CD38: variants seen among roughly 807,000 people sequenced by gnomAD.
The protein encoded by CD38 is CD38 molecule, also known as ADP-ribosyl cyclase/cyclic ADP-ribose hydrolase 1.
Under a neutral mutation model 36.3 loss-of-function variants are expected in CD38, and 31 were observed. That is an observed-to-expected ratio of 0.85 (90% confidence interval 0.64 to 1.15). The LOEUF is 1.15. CD38 is among the 50% of genes most tolerant of loss of function. The probability of loss-of-function intolerance (pLI) is 0.00; values close to 1 mark genes in which losing one functional copy is unlikely to be tolerated. For missense variants in CD38, 380 were observed against 371.9 expected, an observed-to-expected ratio of 1.02 and a Z score of -0.18; for synonymous variants, 131 against 135.2, an observed-to-expected ratio of 0.97 and a Z score of 0.22.
Position 15,778,667 on chromosome 4 carries a change from G to A in CD38, c.233+20G>A, listed in dbSNP as rs372561676. The A allele has an allele frequency of 6.6e-7, 1 of 1,516,242 alleles. No individual in the cohort carries two copies. 93.9% of individuals were successfully genotyped at this position (1,516,242 alleles called of 1,614,324 possible). A position where few individuals can be genotyped will look rare whatever the true frequency, so the allele number is the denominator to read the frequency against. ...GATGAGGTGGGTTGGCGACTAAGGCGCACCGGTGGGCACTGCGGGGACAGC... is the reference window on the plus strand; with the variant it reads ...GATGAGGTGGGTTGGCGACTAAGGCACACCGGTGGGCACTGCGGGGACAGC... On this transcript the variant is annotated intron_variant, in intron 1 of 7. Coordinates refer to ENST00000226279, the MANE Select transcript of CD38 (RefSeq NM_001775.4). The surrounding 1 kb of genome is among the most constrained non-coding windows in gnomAD (Gnocchi z 4.9).
At chr4:15,826,459 G>GCATGCA (rs1553874529) in intron 3 of CD38, among the ~76,000 whole-genome samples, 10 of 146,348 alleles carry the variant, frequency 6.8e-5, no homozygotes, top group African/African-American at 2.5e-4. Flanking sequence ...ACTTTTGTGC[G>GCATGCA]CACACACACA....
intron 1 of CD38, among the ~76,000 whole-genome samples, chr4:15,804,947 A>G (rs1723310072): frequency 6.6e-6 from 1 of 152,190 alleles, no homozygotes; most frequent in Admixed American, 6.5e-5. Flanking sequence ...AGAAATGATA[A>G]ACCTTTGAGA....
intron 4 of CD38, among the ~76,000 whole-genome samples, chr4:15,837,229 G>A (rs940013071): frequency 3.9e-5 from 6 of 152,322 alleles, no homozygotes; most frequent in East Asian, 1.9e-4. Flanking sequence ...GATTGAAGGC[G>A]TCCTGCCCTT....
At chr4:15,822,929 C>G (rs953832461) in intron 2 of CD38, among the ~76,000 whole-genome samples, 3 of 152,166 alleles carry the variant, frequency 2.0e-5, no homozygotes, top group Non-Finnish European at 4.4e-5. Flanking sequence ...CAACTCCAAA[C>G]TGCACTACAA....
intron 3 of CD38, among the ~76,000 whole-genome samples, chr4:15,828,303 A>G (rs1405625060): frequency 6.6e-6 from 1 of 152,232 alleles, no homozygotes; most frequent in Non-Finnish European, 1.5e-5. Flanking sequence ...GGTGTGAGCC[A>G]CCAGGCCCGA....
intron 2 of CD38, among the ~76,000 whole-genome samples, chr4:15,823,931 A>G (rs993825733): frequency 6.6e-6 from 1 of 152,234 alleles, no homozygotes; most frequent in African/African-American, 2.4e-5. Flanking sequence ...GGCTGGATAA[A>G]GAAAATGTGG....
chr4:15,791,912 G>C (rs1723007063), intron 1 of CD38, among the ~76,000 whole-genome samples: 2 of 89,304 alleles, frequency 2.2e-5, no homozygotes, highest in Admixed American at 8.7e-5. Context: ...CCAGGACCCC[G>C]TCTGGGAGGT....
intron 2 of CD38, among the ~76,000 whole-genome samples, chr4:15,820,359 T>C (rs1229013993): frequency 6.6e-6 from 1 of 152,110 alleles, no homozygotes; most frequent in African/African-American, 2.4e-5. Flanking sequence ...ACCTTAAGTG[T>C]AAATGGGCTA....
intron 1 of CD38, among the ~76,000 whole-genome samples, chr4:15,803,294 A>G: frequency 6.6e-6 from 1 of 152,246 alleles, no homozygotes; most frequent in Non-Finnish European, 1.5e-5. Context: ...ATTACATCAA[A>G]CTAAACATTT....
intron 2 of CD38, among the ~76,000 whole-genome samples, chr4:15,821,405 GT>G (rs1057359433): frequency 1.3e-5 from 2 of 151,784 alleles, no homozygotes; most frequent in Non-Finnish European, 2.9e-5. Flanking sequence ...GCAGGAGGTG[GT>G]TTTTTGAAAA....
rs753510292 is a variant in CD38 at position 15,851,985 on chromosome 4, A to G, written c.*3383A>G. 3.3e-5 allele frequency: 5 copies of G among 152,244 alleles called. No individual in the cohort carries two copies. Among genetic ancestry groups the G allele is most frequent in the Non-Finnish European group, 7.3e-5 (5 of 68,046 alleles). The allele number at this position is 152,244 out of a possible 1,614,324, so 9.4% of individuals were successfully genotyped here. On this transcript the variant is annotated 3_prime_UTR_variant, in exon 8 of 8. Coordinates refer to ENST00000226279, the MANE Select transcript of CD38 (RefSeq NM_001775.4). ...ATCTAAACATAGAAAAGGTACAGTA[A>G]ACATGCAGTATTATAATCTTATGAG...
At chr4:15,794,710 A>G (rs6449190) in intron 1 of CD38, among the ~76,000 whole-genome samples, 110,840 of 152,070 alleles carry the variant, frequency 0.73, 41,794 homozygotes, top group African/African-American at 0.92. Flanking sequence ...GCTGGCCAGG[A>G]GAACAGAAAT....
chr4:15,848,718 G>A lies in CD38; in HGVS notation c.*116G>A, dbSNP rs980214292. 7 of 700,148 alleles carry A rather than the reference G, an allele frequency of 1.0e-5. No individual in the cohort carries two copies. Among genetic ancestry groups the A allele is most frequent in the Non-Finnish European group, 1.7e-5 (7 of 404,954 alleles). 43.4% of individuals were successfully genotyped at this position (700,148 alleles called of 1,614,324 possible). Reference sequence around the variant, plus strand: ...ATTTTGGAGGGTCCTCCACAATAAGGTCAATGCCAGAGACGGAAGCCTTTT... The same window carrying A: ...ATTTTGGAGGGTCCTCCACAATAAGATCAATGCCAGAGACGGAAGCCTTTT... On this transcript the variant is annotated 3_prime_UTR_variant, in exon 8 of 8. Transcript: ENST00000226279.
chr4:15,824,103 C>A (rs1286437050), intron 2 of CD38, among the ~76,000 whole-genome samples: 1 of 152,066 alleles, frequency 6.6e-6, no homozygotes, highest in African/African-American at 2.4e-5. Context: ...ACAGTGAGAA[C>A]ACATGGACAC....
At chr4:15,840,667 G>GGT (rs1380877970) in intron 7 of CD38, 129 bp downstream of exon 7, 1 of 608,852 alleles carries the variant, frequency 1.6e-6, no homozygotes, top group Non-Finnish European at 2.9e-6. Context: ...GATCACAGAT[G>GGT]GCAACCTCTG....
chr4:15,803,600 A>G lies in CD38; in HGVS notation c.234-12911A>G, dbSNP rs910771639. Among the ~76,000 whole-genome samples, 14 of 152,336 alleles carry G rather than the reference A, an allele frequency of 9.2e-5. No individual in the cohort carries two copies. The East Asian group carries it at 1.5e-3, about 17-fold the overall frequency. On this transcript the variant is annotated intron_variant, in intron 1 of 7. Transcript: ENST00000226279. ...TTATCTCACGCCAGCTAGAATGGCT[A>G]TCATCAAAAAGAAGAAAAAATAACA... is the stretch of plus-strand genomic sequence containing the variant.
intron 5 of CD38, among the ~76,000 whole-genome samples, chr4:15,839,494 G>A (rs1025405963): frequency 3.0e-5 from 4 of 134,002 alleles, no homozygotes; most frequent in East Asian, 2.3e-4. Flanking sequence ...CACGGTCTCC[G>A]CTCACTGCAA....
At position 15,851,759 on chromosome 4, in the gene CD38, G is replaced by T. The variant is rs539895767; in HGVS notation, c.*3157G>T. 6.6e-6 allele frequency: 1 copy of T among 152,154 alleles called. No homozygotes were observed. Among genetic ancestry groups the T allele is most frequent in the African/African-American group, 2.4e-5 (1 of 41,438 alleles). The allele number at this position is 152,154 out of a possible 1,614,324, so 9.4% of individuals were successfully genotyped here. A position where few individuals can be genotyped will look rare whatever the true frequency, so the allele number is the denominator to read the frequency against. On this transcript the variant is annotated 3_prime_UTR_variant, in exon 8 of 8. Transcript: ENST00000226279. ...TGCCAACAGTGGGGATATGTTCTGAGAAATGCATCATTAGATGATTTTGTC... is the reference window on the plus strand; with the variant it reads ...TGCCAACAGTGGGGATATGTTCTGATAAATGCATCATTAGATGATTTTGTC...
intron 1 of CD38, among the ~76,000 whole-genome samples, chr4:15,799,615 A>G (rs1047380471): frequency 2.0e-5 from 3 of 152,128 alleles, no homozygotes. Context: ...TATATATCAC[A>G]ATTTGTTTAT....
Sources: gnomAD v4.1 joint callset for allele counts (sites outside exome capture counted in the v4.1 genomes callset) on GRCh38, gnomAD v4.1.1 for gene constraint, Gnocchi (gnomAD v3.1) non-coding constraint, MANE v1.5 for transcripts, NCBI Gene and HGNC (gene_info 2026-07-23, HGNC 2026-07-21) for gene names.